The following VSX1 variants were observed in gnomAD, a reference collection of about 807,000 sequenced individuals.
VSX1 encodes homeodomain protein RINX.
Under a neutral mutation model 23.6 loss-of-function variants are expected in VSX1, and 23 were observed. That is an observed-to-expected ratio of 0.97 (90% CI 0.70 to 1.38). The LOEUF is 1.38. Among genes scored for constraint, VSX1 ranks in the 40% most tolerant of loss-of-function variants. The pLI, the probability that VSX1 is intolerant of heterozygous loss-of-function variation, is 0.00. For synonymous variants in VSX1, 247 were observed against 215.1 expected, an observed-to-expected ratio of 1.15 and a Z score of -1.30; for missense variants, 517 against 495.4, an observed-to-expected ratio of 1.04 and a Z score of -0.41.
At chr20:25,072,407 C>T, downstream of VSX1, 1 of 424,768 alleles carries the variant, frequency 2.4e-6, no homozygotes, top group Non-Finnish European at 4.8e-6. Context: ...ACTTTCTGTC[C>T]ACACGTGTGT....
At position 25,081,993 on chromosome 20, in the gene VSX1, T is replaced by G; in HGVS notation, c.104A>C (p.Asp35Ala). 1 of 1,534,142 alleles carries G rather than the reference T, an allele frequency of 6.5e-7. No individual in the cohort carries two copies. Among genetic ancestry groups the G allele is most frequent in the Non-Finnish European group, 8.7e-7 (1 of 1,146,656 alleles). ...CAGCTCGGCCTCCAAGCCCAGCAGG[T>G]CCGTGATGGCGAAGCCCCGGGGGCG... The part of the protein sequence containing the change: ...GSRPRGFAIT[D>A]LLGLEAELPA... The change falls in exon 1 of 5, where the codon GAC becomes GCC. Residue 35 changes from aspartate (D) to alanine (A), a missense_variant. By Grantham distance (126) the Asp-to-Ala change is moderately radical. Transcript: ENST00000376709.
Position 25,077,771 on chromosome 20 carries a change from A to C in VSX1, c.722T>G (p.Met241Arg), listed in dbSNP as rs751263466. Residue 241 changes from methionine to arginine, a missense_variant, in exon 4 of 5, where the codon ATG (methionine) becomes AGG (arginine). Transcript: ENST00000376709. ...VMAEYGLYGA[M>R]VRHCIPLPDS... ...TGGCAGCGGGATGCAGTGGCGCACC[A>C]TGGCCCCGTACAGCCCGTACTCGGC... 6.4e-7 allele frequency: 1 copy of C among 1,550,918 alleles called. No individual in the cohort carries two copies. The highest frequency in any genetic ancestry group is 8.7e-7 in the Non-Finnish European group (1 of 1,146,980).
Position 25,081,827 on chromosome 20 carries a change from C to A in VSX1, c.270G>T (p.Thr90=), listed in dbSNP as rs2089653411. The A allele has an allele frequency of 6.6e-7, 1 of 1,504,414 alleles. No individual in the cohort carries two copies. Among genetic ancestry groups the A allele is most frequent in the South Asian group, 1.2e-5 (1 of 80,958 alleles). 93.2% of individuals were successfully genotyped at this position (1,504,414 alleles called of 1,614,324 possible). A position where few individuals can be genotyped will look rare whatever the true frequency, so the allele number is the denominator to read the frequency against. ...GTGCTCGAGCGGCCGCCGGCGGCTG[C>A]GTGCCGAAGCCACAGAGGAGGCCGA... ...LGLGLLCGFG[T]QPPAAARAPC... The change falls in exon 1 of 5, where the codon ACG becomes ACT. Residue 90 remains threonine (T), a synonymous_variant. Coordinates refer to ENST00000376709, the MANE Select transcript of VSX1 (RefSeq NM_014588.6).
At chr20:25,074,666 T>C (rs905292569), downstream of VSX1, among the ~76,000 whole-genome samples, 4 of 152,234 alleles carry the variant, frequency 2.6e-5, no homozygotes, top group South Asian at 8.3e-4. Flanking sequence ...TAAGCCTTAC[T>C]GTTACAATTT....
downstream of VSX1, among the ~76,000 whole-genome samples, chr20:25,074,609 T>A (rs2089447353): frequency 6.6e-6 from 1 of 152,180 alleles, no homozygotes; most frequent in African/African-American, 2.4e-5. Flanking sequence ...TTTTAGGGAT[T>A]TTTTTTACTC....
intron 3 of VSX1, 154 bp from the exon 4 acceptor site, chr20:25,078,019 C>G (rs983080730): frequency 5.1e-5 from 55 of 1,078,258 alleles, no homozygotes; most frequent in Non-Finnish European, 7.5e-5. Context: ...GGCCAACCAG[C>G]CGCCCTCAGG....
intron 1 of VSX1, 174 bp downstream of exon 1, chr20:25,081,499 G>T: frequency 1.0e-6 from 1 of 982,284 alleles, no homozygotes; most frequent in Non-Finnish European, 1.6e-6. Context: ...ATGCAGCAAG[G>T]GGCAGGCGGC....
intron 1 of VSX1, among the ~76,000 whole-genome samples, chr20:25,081,252 C>T (rs1233843341): frequency 6.6e-6 from 1 of 152,226 alleles, no homozygotes; most frequent in Non-Finnish European, 1.5e-5. Flanking sequence ...TTTCCGCCCG[C>T]GTTTCCACCT....
intron 3 of VSX1, 143 bp from the exon 4 acceptor site, chr20:25,078,008 G>C: frequency 2.5e-6 from 3 of 1,177,204 alleles, no homozygotes; most frequent in Non-Finnish European, 3.6e-6. Flanking sequence ...TAGCTCCCGA[G>C]GGCCAACCAG....
At position 25,079,445 on chromosome 20, in the gene VSX1, C is replaced by T. The variant is rs1194963280; in HGVS notation, c.494G>A (p.Arg165Gln). ...ASPTLGKRKK[R>Q]RHRTVFTAHQ... is the part of the protein sequence containing the mutation. ...CTGCCTGGCCCTATACCTGTGCCGC[C>T]GCTTCTTCCTCTTGCCCAAGGTGGG... The change falls in exon 2 of 5, where the codon CGG becomes CAG. Residue 165 changes from arginine (R) to glutamine (Q), a missense_variant. Arg to Gln is a conservative substitution (Grantham distance 43, BLOSUM62 1). Coordinates refer to ENST00000376709, the MANE Select transcript of VSX1 (RefSeq NM_014588.6). 3.1e-6 allele frequency: 5 copies of T among 1,612,020 alleles called. No homozygotes were observed. The highest frequency in any genetic ancestry group is 3.3e-5 in the Admixed American group (2 of 59,932).
At chr20:25,077,938 G>A (rs2089544474) in intron 3 of VSX1, 73 bp from the exon 4 acceptor site, 3 of 1,499,456 alleles carry the variant, frequency 2.0e-6, no homozygotes, top group African/African-American at 2.8e-5. Context: ...GAGCGGAGGC[G>A]GCGTCCCAGG....
chr20:25,076,662 G>C, intron 4 of VSX1, 112 bp from the exon 5 acceptor site: 1 of 1,294,256 alleles, frequency 7.7e-7, no homozygotes, highest in Non-Finnish European at 1.0e-6. Context: ...GTCCTTGTCA[G>C]TGCCTATCTC....
chr20:25,072,511 G>C, downstream of VSX1: 4 of 470,738 alleles, frequency 8.5e-6, no homozygotes, highest in South Asian at 6.2e-5. Flanking sequence ...TCAAAGCACT[G>C]AGCTGGGACA....
At position 25,078,712 on chromosome 20, in the gene VSX1, T is replaced by C. The variant is rs1472661328; in HGVS notation, c.627+117A>G. The C allele has an allele frequency of 4.3e-6, 7 of 1,612,234 alleles. No homozygotes were observed. The South Asian group carries it at 7.7e-5, about 18-fold the overall frequency. ...TGCCTTCAGCTAAGGGACCCTCAGT[T>C]TCTATGCAAAGGGAGCGTGTTGGCT... On this transcript the variant is annotated intron_variant, in intron 3 of 4. Coordinates refer to ENST00000376709, the MANE Select transcript of VSX1 (RefSeq NM_014588.6).
At position 25,076,093 on chromosome 20, in the gene VSX1, C is replaced by T; in HGVS notation, c.*168G>A. On this transcript the variant is annotated 3_prime_UTR_variant, in exon 5 of 5. Transcript: ENST00000376709. ...CATTCTAGAATGAAATAGAATTTTC[C>T]CTAGGTCACTCATCTGTCCTCTTAA... 1 of 882,968 alleles carries T rather than the reference C, an allele frequency of 1.1e-6. No homozygotes were observed. The highest frequency in any genetic ancestry group is 1.7e-6 in the Non-Finnish European group (1 of 578,316). 54.7% of individuals were successfully genotyped at this position (882,968 alleles called of 1,614,324 possible). A position where few individuals can be genotyped will look rare whatever the true frequency, so the allele number is the denominator to read the frequency against.
chr20:25,081,636 G>T, intron 1 of VSX1, 37 bp downstream of exon 1: 1 of 1,533,582 alleles, frequency 6.5e-7, no homozygotes, highest in Non-Finnish European at 8.7e-7. Flanking sequence ...AGAGCCTAGG[G>T]GACAGGGGCA....
At chr20:25,078,478 A>G in intron 3 of VSX1, 1 of 1,201,334 alleles carries the variant, frequency 8.3e-7, no homozygotes. Flanking sequence ...TATACTCCAC[A>G]AAGTAGAGAA....
Position 25,079,476 on chromosome 20 carries a change from C to T in VSX1, c.463G>A (p.Ala155Thr). ...SQSEDRNDLK[A>T]SPTLGKRKKR... ...TTCCTCTTGCCCAAGGTGGGGGATG[C>T]CTTTAGGTCATTCCTGTCTTCAGAC... is the stretch of plus-strand genomic sequence containing the variant. The change falls in exon 2 of 5, where the codon GCA becomes ACA. Residue 155 changes from alanine (A) to threonine (T), a missense_variant. Transcript: ENST00000376709. 1.2e-6 allele frequency: 2 copies of T among 1,613,000 alleles called. No individual in the cohort carries two copies. The highest frequency in any genetic ancestry group is 1.7e-6 in the Non-Finnish European group (2 of 1,179,738).
chr20:25,078,196 C>T (rs2054119782), intron 3 of VSX1, among the ~76,000 whole-genome samples: 1 of 152,224 alleles, frequency 6.6e-6, no homozygotes, highest in African/African-American at 2.4e-5. Context: ...AAGAGGTCAA[C>T]TACAGTGTTT....
Sources: gnomAD v4.1 joint callset for allele counts (sites outside exome capture counted in the v4.1 genomes callset) on GRCh38, gnomAD v4.1.1 for gene constraint, MANE v1.5 for transcripts, NCBI Gene and HGNC (gene_info 2026-07-23, HGNC 2026-07-21) for gene names.